The following MYO16 variants were observed in gnomAD, a reference collection of about 807,000 sequenced individuals.
The protein encoded by MYO16 is myosin XVI, also known as unconventional myosin-XVI.
In MYO16, 94 loss-of-function variants were observed where a neutral mutation model predicts 205.3. That is an observed-to-expected ratio of 0.46 (90% CI 0.39 to 0.54). The LOEUF (loss-of-function observed/expected upper bound fraction) is 0.54. MYO16 is among the 20% of genes least tolerant of loss of function. The pLI is 0.00. For missense variants in MYO16, 2,315 were observed against 2,387.5 expected, an observed-to-expected ratio of 0.97 and a Z score of 0.63; for synonymous variants, 988 against 954.0, an observed-to-expected ratio of 1.04 and a Z score of -0.66.
intron 23 of MYO16, among the ~76,000 whole-genome samples, chr13:109,021,051 A>C (rs1594475500): frequency 1.3e-5 from 2 of 152,144 alleles, no homozygotes; most frequent in Middle Eastern, 3.4e-3. Flanking sequence ...ATGCTTTCCA[A>C]ACCCAGACCT....
At chr13:109,116,225 C>T (rs1049814657) in intron 28 of MYO16, among the ~76,000 whole-genome samples, 2 of 152,126 alleles carry the variant, frequency 1.3e-5, no homozygotes, top group South Asian at 4.1e-4. Flanking sequence ...TGATAGGATG[C>T]TTGTATTGTG....
intron 10 of MYO16, among the ~76,000 whole-genome samples, chr13:108,852,097 A>G (rs1178958636): frequency 2.6e-5 from 4 of 152,160 alleles, no homozygotes; most frequent in African/African-American, 9.7e-5. Flanking sequence ...TTCAGTGTCA[A>G]CGTGACCTCT....
intron 32 of MYO16, among the ~76,000 whole-genome samples, chr13:109,157,258 A>C (rs1421987722): frequency 2.0e-5 from 3 of 151,074 alleles, no homozygotes; most frequent in Admixed American, 6.6e-5. Flanking sequence ...AAAAAAAAAA[A>C]AAAAAAAAAA....
At chr13:108,907,471 G>A (rs966642211) in intron 15 of MYO16, among the ~76,000 whole-genome samples, 5 of 152,078 alleles carry the variant, frequency 3.3e-5, no homozygotes, top group Non-Finnish European at 7.4e-5. Flanking sequence ...ACATGAATGC[G>A]TCCTGAAACC....
intron 15 of MYO16, among the ~76,000 whole-genome samples, chr13:108,908,972 CA>C (rs201906153): frequency 1.8e-5 from 2 of 111,630 alleles, no homozygotes; most frequent in Non-Finnish European, 2.0e-5. Flanking sequence ...GACTGTGTCT[CA>C]AAAAAAATAA....
chr13:109,136,231 C>A (rs1594115094), intron 31 of MYO16, among the ~76,000 whole-genome samples: 1 of 151,932 alleles, frequency 6.6e-6, no homozygotes, highest in Admixed American at 6.6e-5. Context: ...GTAGCTGAGA[C>A]CACAAGCACG....
chr13:108,904,291 C>T (rs1880855747), intron 15 of MYO16, among the ~76,000 whole-genome samples: 1 of 152,118 alleles, frequency 6.6e-6, no homozygotes, highest in Admixed American at 6.6e-5. Context: ...GGTGCAAGTG[C>T]CACTCTCCCT....
intron 1 of MYO16, among the ~76,000 whole-genome samples, chr13:108,605,073 G>T (rs1345186786): frequency 6.6e-6 from 1 of 152,126 alleles, no homozygotes; most frequent in Admixed American, 6.5e-5. Context: ...AGTGGCAATG[G>T]GTTCTGATAA....
At chr13:108,725,119 T>C (rs1038589830) in intron 3 of MYO16, among the ~76,000 whole-genome samples, 11 of 152,206 alleles carry the variant, frequency 7.2e-5, no homozygotes, top group Non-Finnish European at 1.0e-4. Flanking sequence ...AGTTCTCATC[T>C]CTGAAAGTTA....
chr13:108,768,700 C>T (rs1311841848), intron 4 of MYO16, among the ~76,000 whole-genome samples: 1 of 151,972 alleles, frequency 6.6e-6, no homozygotes, highest in Non-Finnish European at 1.5e-5. Context: ...TAATGTGATG[C>T]ATTTGATGAG....
chr13:109,087,177 C>T (rs981851481), intron 27 of MYO16, among the ~76,000 whole-genome samples: 1 of 152,224 alleles, frequency 6.6e-6, no homozygotes, highest in African/African-American at 2.4e-5. Context: ...GTCTCAGCAC[C>T]AGGCTGCTCC....
chr13:109,131,916 C>T (rs1452774154), intron 31 of MYO16, among the ~76,000 whole-genome samples: 1 of 152,180 alleles, frequency 6.6e-6, no homozygotes, highest in East Asian at 1.9e-4. Flanking sequence ...AGAAGTGACT[C>T]AGTCTTTCCA....
intron 2 of MYO16, among the ~76,000 whole-genome samples, chr13:108,684,661 T>C (rs1346058411): frequency 6.6e-6 from 1 of 152,136 alleles, no homozygotes; most frequent in Non-Finnish European, 1.5e-5. Context: ...CCAGCCATGA[T>C]TATGAGCTTG....
chr13:108,702,574 C>CATTA (rs1264212377), intron 2 of MYO16, among the ~76,000 whole-genome samples: 2 of 152,088 alleles, frequency 1.3e-5, no homozygotes, highest in Non-Finnish European at 2.9e-5. Context: ...AAATGAAAGA[C>CATTA]ATTAGACTTG....
At chr13:108,866,727 A>G (rs1290353368) in intron 12 of MYO16, among the ~76,000 whole-genome samples, 1 of 152,208 alleles carries the variant, frequency 6.6e-6, no homozygotes, top group African/African-American at 2.4e-5. Flanking sequence ...AAATTATTCC[A>G]GTCAATTGAA....
upstream of MYO16, among the ~76,000 whole-genome samples, chr13:108,594,822 A>C (rs1878498342): frequency 6.6e-6 from 1 of 152,186 alleles, no homozygotes; most frequent in African/African-American, 2.4e-5. Context: ...ATATTCAGTC[A>C]TACATTTGTT....
At chr13:108,732,454 G>A (rs1382087204) in intron 4 of MYO16, among the ~76,000 whole-genome samples, 1 of 152,208 alleles carries the variant, frequency 6.6e-6, no homozygotes, top group Non-Finnish European at 1.5e-5. Context: ...ATGTGAGCCG[G>A]GAGCTACGTG....
Position 109,069,304 on chromosome 13 carries a change from G to A in MYO16, c.3335+13709G>A, listed in dbSNP as rs188140360. ...TTCTGAGTTAAATGTCCAAAATTTT[G>A]TATGCATAAGTTAAATTATTGTCCC... On this transcript the variant is annotated intron_variant, in intron 27 of 34. Transcript: ENST00000457511. Among the ~76,000 whole-genome samples, 23 of 152,156 alleles carry A rather than the reference G, an allele frequency of 1.5e-4. 1 individual carries two copies. The highest frequency in any genetic ancestry group is 1.9e-4 in the East Asian group (1 of 5,158).
At chr13:108,743,157 T>A (rs552409633) in intron 4 of MYO16, among the ~76,000 whole-genome samples, 1 of 152,216 alleles carries the variant, frequency 6.6e-6, no homozygotes, top group Non-Finnish European at 1.5e-5. Context: ...GGTATTAATT[T>A]CTTTAAATTG....
Sources: allele counts gnomAD v4.1 joint callset (sites outside exome capture counted in the v4.1 genomes callset), GRCh38; gene constraint gnomAD v4.1.1; transcripts MANE v1.5; gene names NCBI Gene and HGNC (gene_info 2026-07-23, HGNC 2026-07-21).